The following GPM6B variants were observed in gnomAD, a reference collection of about 807,000 sequenced individuals.
The protein encoded by GPM6B is neuronal membrane glycoprotein M6-b.
GPM6B carries 4 observed loss-of-function variants against 27.2 expected under a neutral mutation model. That is an observed-to-expected ratio of 0.15 (90% CI 0.07 to 0.34). The LOEUF is 0.34. GPM6B is among the 10% of genes least tolerant of loss of function. GPM6B has a pLI of 1.00. For synonymous variants in GPM6B, 124 were observed against 103.1 expected (o/e 1.20, Z -1.23); for missense variants, 183 against 261.9 (o/e 0.70, Z 2.08).
At chrX:13,776,055 C>T (rs1602966034) in intron 7 of GPM6B, 183 bp downstream of exon 7, 1 of 452,260 alleles carries the variant, frequency 2.2e-6, no homozygotes, top group East Asian at 3.5e-5. Flanking sequence ...CAATCAGTGC[C>T]AAGGCAACCA....
intron 7 of GPM6B, chrX:13,774,644 C>G (rs1359461307): frequency 1.7e-6 from 2 of 1,159,210 alleles, no homozygotes; most frequent in South Asian, 1.8e-5. Context: ...GAGAACAAAA[C>G]AGGACAGTAA....
chrX:13,917,484 A>T (rs901705061), intron 1 of GPM6B, among the ~76,000 whole-genome samples: 2 of 112,228 alleles, frequency 1.8e-5, no homozygotes, highest in Non-Finnish European at 3.8e-5. Flanking sequence ...TTTTAAATCA[A>T]GTAAGCGCAG....
At chrX:13,801,904 C>T (rs1437165874) in intron 2 of GPM6B, among the ~76,000 whole-genome samples, 1 of 110,924 alleles carries the variant, frequency 9.0e-6, no homozygotes. Context: ...ACTCTGACAC[C>T]CAGAGCATTC....
intron 1 of GPM6B, among the ~76,000 whole-genome samples, chrX:13,934,740 T>C (rs138160352): frequency 0.032 from 3,612 of 112,372 alleles, 54 homozygotes; most frequent in Non-Finnish European, 0.048. Context: ...AAATTACATA[T>C]TGGTTGACCT....
intron 1 of GPM6B, among the ~76,000 whole-genome samples, chrX:13,867,249 A>G (rs1276086909): frequency 3.6e-5 from 4 of 111,422 alleles, no homozygotes; most frequent in Non-Finnish European, 7.5e-5. Flanking sequence ...AGCTGGGGCT[A>G]CAAGTGTGTG....
intron 1 of GPM6B, among the ~76,000 whole-genome samples, chrX:13,931,541 G>A (rs749783231): frequency 7.9e-4 from 87 of 110,428 alleles, no homozygotes; most frequent in African/African-American, 2.5e-3. Context: ...ATTAATAATC[G>A]AGTAAATAAA....
chrX:13,812,629 T>C (rs368268629), intron 1 of GPM6B, among the ~76,000 whole-genome samples: 2 of 111,620 alleles, frequency 1.8e-5, no homozygotes, highest in African/African-American at 6.5e-5. Flanking sequence ...TGTTCTCAGA[T>C]ACATCAAGAC....
At chrX:13,930,372 T>C (rs1463970527) in intron 1 of GPM6B, among the ~76,000 whole-genome samples, 1 of 111,440 alleles carries the variant, frequency 9.0e-6, no homozygotes, top group Non-Finnish European at 1.9e-5. Context: ...CCCAGCACTT[T>C]GGGAGGCCGA....
At chrX:13,791,144 AG>A (rs770539738) in intron 2 of GPM6B, among the ~76,000 whole-genome samples, 1 of 112,300 alleles carries the variant, frequency 8.9e-6, no homozygotes, top group African/African-American at 3.2e-5. Context: ...AGAAAAAATA[AG>A]GAAAGCATTT....
At chrX:13,774,307 A>AC in intron 7 of GPM6B, 2 of 946,679 alleles carry the variant, frequency 2.1e-6, no homozygotes, top group Non-Finnish European at 1.3e-6. Context: ...AAGGATGCTC[A>AC]CCACTGTCAG....
At chrX:13,875,683 T>G (rs1395631758) in intron 1 of GPM6B, among the ~76,000 whole-genome samples, 3 of 112,272 alleles carry the variant, frequency 2.7e-5, no homozygotes, top group Non-Finnish European at 3.8e-5. Context: ...GGAATAGCAG[T>G]CAACGATACA....
At chrX:13,884,865 TTGTG>T (rs1386988060) in intron 1 of GPM6B, among the ~76,000 whole-genome samples, 1 of 111,982 alleles carries the variant, frequency 8.9e-6, no homozygotes, top group African/African-American at 3.3e-5. Context: ...AACCTCTAGC[TTGTG>T]TAAGTATTTG....
chrX:13,774,397 T>A (rs1440560677), intron 7 of GPM6B: 15 of 1,073,731 alleles, frequency 1.4e-5, no homozygotes, highest in African/African-American at 1.9e-5. Context: ...GTAAGTCATC[T>A]TATTAATCTA....
chrX:13,931,300 A>G (rs771000298), intron 1 of GPM6B, among the ~76,000 whole-genome samples: 6 of 111,075 alleles, frequency 5.4e-5, no homozygotes, highest in Non-Finnish European at 9.4e-5. Flanking sequence ...AGGTCAGGCT[A>G]TCATGGTGAA....
chrX:13,780,594 T>C (rs994112340), intron 4 of GPM6B, among the ~76,000 whole-genome samples: 33 of 111,926 alleles, frequency 2.9e-4, no homozygotes, highest in African/African-American at 1.0e-3. Flanking sequence ...ATCTATAAAA[T>C]TCTCATTTTC....
intron 1 of GPM6B, among the ~76,000 whole-genome samples, chrX:13,842,906 A>AT (rs958604519): frequency 4.3e-4 from 48 of 111,464 alleles, no homozygotes; most frequent in Non-Finnish European, 6.8e-4. Flanking sequence ...GCCAAAACTC[A>AT]TTTTTTTAAC....
chrX:13,847,385 T>C (rs780725780), intron 1 of GPM6B, among the ~76,000 whole-genome samples: 12 of 112,551 alleles, frequency 1.1e-4, no homozygotes, highest in Non-Finnish European at 2.1e-4. Context: ...TAGATTTCAG[T>C]GTATTATTTC....
At chrX:13,861,299 A>T (rs1249977563) in intron 1 of GPM6B, among the ~76,000 whole-genome samples, 1 of 109,512 alleles carries the variant, frequency 9.1e-6, no homozygotes, top group Non-Finnish European at 1.9e-5. Flanking sequence ...TTTTCATATG[A>T]TTTTTTTTCC....
At chrX:13,918,048 T>C (rs761165311) in intron 1 of GPM6B, among the ~76,000 whole-genome samples, 8 of 113,080 alleles carry the variant, frequency 7.1e-5, no homozygotes, top group African/African-American at 1.9e-4. Context: ...TACATATTCA[T>C]ATGTGGTAGA....
Sources: allele counts gnomAD v4.1 joint callset (sites outside exome capture counted in the v4.1 genomes callset), GRCh38; gene constraint gnomAD v4.1.1; transcripts MANE v1.5; gene names NCBI Gene and HGNC (gene_info 2026-07-23, HGNC 2026-07-21).